Variants in APOLD1 observed in about 807,000 individuals in gnomAD.
APOLD1 encodes the protein apolipoprotein L domain-containing protein 1.
A neutral mutation model predicts 15.3 loss-of-function variants in APOLD1; 22 were observed. The observed-to-expected ratio is 1.44, with a 90% CI of 1.03 to 2.05. The LOEUF (loss-of-function observed/expected upper bound fraction) is 2.05. APOLD1 is among the 30% of genes most tolerant of loss of function. The probability of loss-of-function intolerance (pLI) is 0.00; values close to 1 mark genes in which losing one functional copy is unlikely to be tolerated. For synonymous variants in APOLD1, 190 were observed against 167.4 expected, an observed-to-expected ratio of 1.13 and a Z score of -1.04; for missense variants, 394 against 353.5, an observed-to-expected ratio of 1.11 and a Z score of -0.92.
intron 1 of APOLD1, among the ~76,000 whole-genome samples, chr12:12,742,982 G>C (rs1464008921): frequency 1.3e-5 from 2 of 152,200 alleles, no homozygotes; most frequent in Non-Finnish European, 2.9e-5. Flanking sequence ...AAACTCTTGG[G>C]CTCAAGTGAT....
chr12:12,762,566 G>T (rs570319871), intron 1 of APOLD1, among the ~76,000 whole-genome samples: 1 of 151,950 alleles, frequency 6.6e-6, no homozygotes, highest in East Asian at 1.9e-4. Flanking sequence ...TGTTAGCTAG[G>T]CTGGTCTTGA....
chr12:12,739,536 C>A (rs903524273), intron 1 of APOLD1, among the ~76,000 whole-genome samples: 1 of 152,128 alleles, frequency 6.6e-6, no homozygotes, highest in Non-Finnish European at 1.5e-5. Flanking sequence ...AAAAATATAT[C>A]TCAGAGTGAC....
chr12:12,764,377 G>A (rs1293882831), intron 1 of APOLD1, among the ~76,000 whole-genome samples: 1 of 152,076 alleles, frequency 6.6e-6, no homozygotes. Context: ...CCCTGATGAT[G>A]TTTATGTTAT....
chr12:12,790,753 G>A lies in APOLD1; in HGVS notation c.*3101G>A, dbSNP rs999132374. The A allele has an allele frequency of 6.6e-6, 1 of 152,258 alleles. No individual in the cohort carries two copies. The highest frequency in any genetic ancestry group is 1.9e-4 in the East Asian group (1 of 5,182). 9.4% of individuals were successfully genotyped at this position (152,258 alleles called of 1,614,324 possible). A position where few individuals can be genotyped will look rare whatever the true frequency, so the allele number is the denominator to read the frequency against. ...TGTTGACAACAAAAGATCATCCATC[G>A]CCTTATGTGTGAGTAAGATTGGAGC... On this transcript the variant is annotated 3_prime_UTR_variant, in exon 2 of 2. Transcript: ENST00000356591.
chr12:12,750,068 CATA>C (rs1946798337), intron 1 of APOLD1, among the ~76,000 whole-genome samples: 1 of 152,092 alleles, frequency 6.6e-6, no homozygotes, highest in Non-Finnish European at 1.5e-5. Flanking sequence ...AGAGACAAAG[CATA>C]ATAAGAAATT....
At chr12:12,734,909 A>G (rs1810862282) in intron 1 of APOLD1, among the ~76,000 whole-genome samples, 1 of 152,180 alleles carries the variant, frequency 6.6e-6, no homozygotes, top group Admixed American at 6.6e-5. Context: ...CACAGCTGTA[A>G]TTATTCCATG....
chr12:12,781,271 C>T (rs939393706), upstream of APOLD1, among the ~76,000 whole-genome samples: 20 of 151,984 alleles, frequency 1.3e-4, no homozygotes, highest in African/African-American at 2.2e-4. Context: ...GATGAAACCC[C>T]GTCTCTACTA....
intron 1 of APOLD1, among the ~76,000 whole-genome samples, chr12:12,775,958 C>A (rs1787525729): frequency 7.8e-6 from 1 of 128,950 alleles, no homozygotes; most frequent in East Asian, 2.7e-4. Context: ...GAGCTATGAT[C>A]ATGCCACTGC....
intron 1 of APOLD1, among the ~76,000 whole-genome samples, chr12:12,729,943 A>C (rs1406888127): frequency 6.6e-6 from 1 of 150,726 alleles, no homozygotes; most frequent in African/African-American, 2.4e-5. Context: ...TGCAGCCTCG[A>C]CCTCCTGGGC....
intron 1 of APOLD1, among the ~76,000 whole-genome samples, chr12:12,772,818 A>G (rs1946999445): frequency 6.6e-6 from 1 of 152,396 alleles, no homozygotes; most frequent in East Asian, 1.9e-4. Context: ...TAAACTAGAT[A>G]TTAATAACAG....
chr12:12,736,587 ATT>A (rs1946688437), intron 1 of APOLD1, among the ~76,000 whole-genome samples: 2 of 152,198 alleles, frequency 1.3e-5, no homozygotes, highest in South Asian at 4.1e-4. Flanking sequence ...AATAAATTTT[ATT>A]GTTTCCTCAC....
chr12:12,758,137 T>C (rs548529296), intron 1 of APOLD1, among the ~76,000 whole-genome samples: 74 of 149,516 alleles, frequency 4.9e-4, no homozygotes, highest in Middle Eastern at 3.4e-3. Flanking sequence ...GGGGTTTCAC[T>C]GTGTTAGCCA....
At chr12:12,776,620 G>A (rs1426544493) in intron 1 of APOLD1, among the ~76,000 whole-genome samples, 1 of 152,226 alleles carries the variant, frequency 6.6e-6, no homozygotes, top group Non-Finnish European at 1.5e-5. Context: ...GGAGGAGGAA[G>A]CGGAGCAAAC....
intron 1 of APOLD1, among the ~76,000 whole-genome samples, chr12:12,750,820 G>A (rs1030617064): frequency 4.6e-5 from 7 of 152,014 alleles, no homozygotes; most frequent in Non-Finnish European, 1.0e-4. Context: ...TGTCACCCAG[G>A]CTGGAGTGCA....
intron 1 of APOLD1, among the ~76,000 whole-genome samples, chr12:12,774,916 T>C (rs1020566931): frequency 6.6e-6 from 1 of 152,202 alleles, no homozygotes; most frequent in Non-Finnish European, 1.5e-5. Context: ...CTAAACATAC[T>C]CTCGTCATAA....
chr12:12,743,367 T>TA (rs562123316), intron 1 of APOLD1, among the ~76,000 whole-genome samples: 4,792 of 146,410 alleles, frequency 0.033, 121 homozygotes, highest in Middle Eastern at 0.071. Context: ...ACCCCATCTT[T>TA]AAAAAAAAAA....
At chr12:12,749,765 G>A (rs889270540) in intron 1 of APOLD1, among the ~76,000 whole-genome samples, 2 of 152,182 alleles carry the variant, frequency 1.3e-5, no homozygotes, top group African/African-American at 4.8e-5. Context: ...TTGAGCCGCT[G>A]CTCAGGCCGC....
At chr12:12,779,052 A>G (rs7978703) in intron 1 of APOLD1, among the ~76,000 whole-genome samples, 261 of 152,146 alleles carry the variant, frequency 1.7e-3, no homozygotes, top group African/African-American at 6.2e-3. Flanking sequence ...CAGCAACACT[A>G]AACACCCTGG....
intron 1 of APOLD1, among the ~76,000 whole-genome samples, chr12:12,727,241 A>C (rs1024710359): frequency 3.3e-5 from 5 of 152,206 alleles, no homozygotes; most frequent in Non-Finnish European, 7.3e-5. Flanking sequence ...GTTTCCAAGA[A>C]TTAGTATGAA....
Sources: allele counts gnomAD v4.1 joint callset (sites outside exome capture counted in the v4.1 genomes callset), GRCh38; gene constraint gnomAD v4.1.1; transcripts MANE v1.5; gene names NCBI Gene and HGNC (gene_info 2026-07-23, HGNC 2026-07-21).